Variants in NRCAM observed in about 807,000 individuals in gnomAD.
NRCAM encodes the protein neuronal cell adhesion molecule, also known as NgCAM-related cell adhesion molecule.
NRCAM carries 83 observed loss-of-function variants against 156.5 expected under a neutral mutation model. The ratio of observed to expected loss-of-function variants is 0.53; its 90% CI spans 0.44 to 0.64. NRCAM has a LOEUF of 0.64. NRCAM is among the 30% of genes least tolerant of loss of function. The pLI, the probability that NRCAM is intolerant of heterozygous loss-of-function variation, is 0.00. For missense variants in NRCAM, 1,417 were observed against 1,597.3 expected (o/e 0.89, Z 1.92); for synonymous variants, 538 against 563.9 (o/e 0.95, Z 0.65).
chr7:108,410,218 C>T (rs189700783), intron 1 of NRCAM, among the ~76,000 whole-genome samples: 102 of 152,272 alleles, frequency 6.7e-4, no homozygotes, highest in African/African-American at 2.4e-3. Flanking sequence ...TATTAAATAG[C>T]CCTTGATTAA....
chr7:108,338,584 G>A lies in NRCAM; in HGVS notation c.-173-25853C>T, dbSNP rs117441207. Among the ~76,000 whole-genome samples, 707 of 150,974 alleles carry A rather than the reference G, an allele frequency of 4.7e-3. 17 individuals are homozygous for A. The highest frequency in any genetic ancestry group is 0.03 in the Admixed American group (461 of 15,154). On this transcript the variant is annotated intron_variant, in intron 2 of 32. Coordinates refer to ENST00000379028, the MANE Select transcript of NRCAM (RefSeq NM_001037132.4). ...AGAGAGACAGAGTGAGACACAGAGA[G>A]AGGGAGAGACAGAGAGAGAGACAGA...
intron 1 of NRCAM, among the ~76,000 whole-genome samples, chr7:108,438,560 G>A (rs1446485035): frequency 6.6e-6 from 1 of 151,998 alleles, no homozygotes; most frequent in East Asian, 1.9e-4. Flanking sequence ...AATATGAAAG[G>A]GTGAAAGCTT....
chr7:108,439,007 T>C (rs767292811), intron 1 of NRCAM, among the ~76,000 whole-genome samples: 1 of 152,184 alleles, frequency 6.6e-6, no homozygotes, highest in South Asian at 2.1e-4. Context: ...ATGTTATGAA[T>C]TGGAAGATTT....
chr7:108,164,350 G>A (rs560109970), intron 30 of NRCAM, among the ~76,000 whole-genome samples: 12 of 152,222 alleles, frequency 7.9e-5, no homozygotes, highest in Non-Finnish European at 1.2e-4. Context: ...ATATACCTTA[G>A]AAATCCAGGG....
intron 25 of NRCAM, chr7:108,178,507 CTGTTTTCT>C (rs2061849948): frequency 8.7e-6 from 2 of 230,628 alleles, no homozygotes; most frequent in African/African-American, 2.3e-5. Flanking sequence ...CCATTAAGGA[CTGTTTTCT>C]CTAACAAACC....
Position 108,254,551 on chromosome 7 carries a change from C to CTTT in NRCAM, c.-106-14384_-106-14382dup, listed in dbSNP as rs71137620. Reference sequence around the variant, plus strand: ...TAGCCATTCTGAAAAAACAATTTTGCTTTTTTTTTTTTTTTGAGATGGAAC... The same window carrying CTTT: ...TAGCCATTCTGAAAAAACAATTTTGCTTTTTTTTTTTTTTTTTTGAGATGGAAC... On this transcript the variant is annotated intron_variant, in intron 3 of 32. Coordinates refer to ENST00000379028, the MANE Select transcript of NRCAM (RefSeq NM_001037132.4). 2.3e-5 allele frequency among the ~76,000 whole-genome samples: 3 copies of CTTT among 130,332 alleles called. 1 individual carries two copies. Among genetic ancestry groups the CTTT allele is most frequent in the African/African-American group, 9.3e-5 (3 of 32,330 alleles). 85.5% of individuals were successfully genotyped at this position (130,332 alleles called of 152,430 possible).
intron 3 of NRCAM, among the ~76,000 whole-genome samples, chr7:108,303,012 A>T (rs1042352606): frequency 6.6e-6 from 1 of 152,104 alleles, no homozygotes; most frequent in Non-Finnish European, 1.5e-5. Context: ...CCCAGGTTGG[A>T]GTGCAGTGGC....
chr7:108,380,079 A>G (rs901662878), intron 2 of NRCAM, among the ~76,000 whole-genome samples: 2 of 152,210 alleles, frequency 1.3e-5, no homozygotes, highest in Non-Finnish European at 1.5e-5. Context: ...ACTTCTAAAG[A>G]TAAGATTGTT....
At chr7:108,284,887 G>A (rs1563105934) in intron 3 of NRCAM, among the ~76,000 whole-genome samples, 1 of 152,222 alleles carries the variant, frequency 6.6e-6, no homozygotes, top group African/African-American at 2.4e-5. Flanking sequence ...CACGCACTTA[G>A]CACAGCTACT....
chr7:108,380,920 A>G (rs2099698023), intron 2 of NRCAM, among the ~76,000 whole-genome samples: 2 of 152,320 alleles, frequency 1.3e-5, no homozygotes, highest in Middle Eastern at 3.4e-3. Context: ...CATAATAAAA[A>G]GAAGTCAGCC....
intron 2 of NRCAM, among the ~76,000 whole-genome samples, chr7:108,348,060 C>T (rs1435111458): frequency 6.6e-6 from 1 of 152,114 alleles, no homozygotes; most frequent in African/African-American, 2.4e-5. Context: ...ATCTTTGTGC[C>T]CCAAATACGC....
chr7:108,454,706 T>C (rs971582224), intron 1 of NRCAM, among the ~76,000 whole-genome samples: 2 of 152,196 alleles, frequency 1.3e-5, no homozygotes, highest in Admixed American at 6.5e-5. Context: ...GAGGTTACTG[T>C]GTTCCTTTCC....
At chr7:108,376,392 T>A (rs1174755752) in intron 2 of NRCAM, among the ~76,000 whole-genome samples, 2 of 152,146 alleles carry the variant, frequency 1.3e-5, no homozygotes, top group Non-Finnish European at 2.9e-5. Context: ...GGTCCCATAG[T>A]CATCTTGTAA....
chr7:108,182,956 CA>C, intron 22 of NRCAM, 36 bp from the exon 23 acceptor site: 5 of 1,525,824 alleles, frequency 3.3e-6, no homozygotes, highest in Non-Finnish European at 4.5e-6. Flanking sequence ...GCTTATAACA[CA>C]AATCAACTGC....
intron 32 of NRCAM, chr7:108,150,699 C>T (rs1287007978): frequency 3.8e-6 from 2 of 532,790 alleles, no homozygotes; most frequent in African/African-American, 1.9e-5. Flanking sequence ...CCTTACCTTT[C>T]AAGAGACCTA....
chr7:108,156,648 TG>T (rs1376294329), intron 32 of NRCAM: 1 of 152,284 alleles, frequency 6.6e-6, no homozygotes, highest in Non-Finnish European at 1.5e-5. Flanking sequence ...ATCATCAAAC[TG>T]GAGAATGAGC....
rs557294509 is a variant in NRCAM at position 108,181,910 on chromosome 7, C to A, written c.2558G>T (p.Arg853Leu). The change falls in exon 24 of 33, where the codon CGT (arginine) becomes CTT (leucine). Residue 853 changes from arginine (R) to leucine (L), a missense_variant. Arg to Leu is a moderately radical substitution (Grantham distance 102). Coordinates refer to ENST00000379028, the MANE Select transcript of NRCAM (RefSeq NM_001037132.4). ...DLPMVAPGNV[R>L]VNVVNSTLAE... ...TAAGGTACTGTTCACCACATTCACA[C>A]GCACGTTCCCAGGAGCCACCATTGG... The A allele has an allele frequency of 4.3e-6, 7 of 1,614,054 alleles. No individual in the cohort carries two copies. The East Asian group carries it at 1.1e-4, about 26-fold the overall frequency.
intron 30 of NRCAM, among the ~76,000 whole-genome samples, chr7:108,166,254 T>C (rs1002985869): frequency 1.3e-5 from 2 of 150,178 alleles, no homozygotes; most frequent in Non-Finnish European, 3.0e-5. Flanking sequence ...TTTTCTTTTT[T>C]TTTTTTTTTT....
intron 13 of NRCAM, among the ~76,000 whole-genome samples, chr7:108,200,786 T>A (rs764006441): frequency 1.6e-5 from 2 of 126,494 alleles, no homozygotes; most frequent in Non-Finnish European, 3.4e-5. Context: ...ACACACACAC[T>A]ATGAAATACT....
Sources: allele counts gnomAD v4.1 joint callset (sites outside exome capture counted in the v4.1 genomes callset), GRCh38; gene constraint gnomAD v4.1.1; transcripts MANE v1.5; gene names NCBI Gene and HGNC (gene_info 2026-07-23, HGNC 2026-07-21).